The following FAAH2 variants were observed in gnomAD, a reference collection of about 807,000 sequenced individuals.
FAAH2 encodes fatty acid amide hydrolase 2.
In FAAH2, 60 loss-of-function variants were observed where a neutral mutation model predicts 36.9. That is an observed-to-expected ratio of 1.63 (90% CI 1.32 to 2.02). The LOEUF is 2.02. Ranked by LOEUF, FAAH2 falls within the 30% of genes most tolerant of loss-of-function variation. The probability of loss-of-function intolerance (pLI) is 0.00; values close to 1 mark genes in which losing one functional copy is unlikely to be tolerated. For synonymous variants in FAAH2, 214 were observed against 143.8 expected, an observed-to-expected ratio of 1.49 and a Z score of -3.49; for missense variants, 689 against 397.5, an observed-to-expected ratio of 1.73 and a Z score of -6.23.
intron 10 of FAAH2, among the ~76,000 whole-genome samples, chrX:57,481,510 T>C (rs1179969105): frequency 8.9e-6 from 1 of 112,087 alleles, no homozygotes; most frequent in African/African-American, 3.2e-5. Flanking sequence ...CTTCTGCAGG[T>C]CTGCTGCGGT....
chrX:57,334,266 T>TCACACACACACA (rs1491098492), intron 4 of FAAH2, among the ~76,000 whole-genome samples: 1 of 8,139 alleles, frequency 1.2e-4, no homozygotes, highest in South Asian at 0.056. Context: ...GGAGATTCCG[T>TCACACACACACA]CTCACACACA....
At chrX:57,139,237 G>A in the FAAH2 span, among the ~76,000 whole-genome samples, 2 of 112,199 alleles carry the variant, frequency 1.8e-5, no homozygotes, top group African/African-American at 6.5e-5. Context: ...TGTATATGGT[G>A]AGAGATAGAT....
the FAAH2 span, among the ~76,000 whole-genome samples, chrX:57,205,545 A>G: frequency 8.9e-6 from 1 of 112,378 alleles, no homozygotes; most frequent in Non-Finnish European, 1.9e-5. Flanking sequence ...CAGAAATCAC[A>G]TTAACAGGCA....
At chrX:57,422,113 T>C (rs191158216) in intron 7 of FAAH2, among the ~76,000 whole-genome samples, 1 of 111,944 alleles carries the variant, frequency 8.9e-6, no homozygotes, top group East Asian at 2.8e-4. Context: ...AATAGCTCTC[T>C]ACCAGATACC....
chrX:57,130,737 C>T, the FAAH2 span, among the ~76,000 whole-genome samples: 1 of 110,918 alleles, frequency 9.0e-6, no homozygotes, highest in East Asian at 2.8e-4. Context: ...TTTGTGAGGC[C>T]CCTCTTTAAT....
chrX:57,466,492 G>A (rs1165036078), intron 10 of FAAH2, among the ~76,000 whole-genome samples: 1 of 106,625 alleles, frequency 9.4e-6, no homozygotes, highest in Non-Finnish European at 1.9e-5. Context: ...AAAAAACGAG[G>A]CATATAGAAA....
chrX:57,382,943 C>G (rs995408503), intron 7 of FAAH2, among the ~76,000 whole-genome samples: 1 of 111,464 alleles, frequency 9.0e-6, no homozygotes, highest in Admixed American at 9.6e-5. Flanking sequence ...TACTGCCAAA[C>G]CGAATCAAGC....
At chrX:57,483,972 A>G (rs187125950) in intron 10 of FAAH2, among the ~76,000 whole-genome samples, 2 of 108,640 alleles carry the variant, frequency 1.8e-5, no homozygotes, top group East Asian at 5.8e-4. Flanking sequence ...CACCCAGCTA[A>G]TTTTGTATTT....
chrX:57,326,710 C>T (rs1301355603), intron 3 of FAAH2, among the ~76,000 whole-genome samples: 2 of 82,364 alleles, frequency 2.4e-5, no homozygotes, highest in African/African-American at 9.8e-5. Flanking sequence ...TCCTCCATCC[C>T]TTTATTTTGA....
the FAAH2 span, among the ~76,000 whole-genome samples, chrX:57,235,740 G>A: frequency 4.5e-5 from 5 of 112,117 alleles, no homozygotes; most frequent in South Asian, 1.5e-3. Flanking sequence ...CGTTGTCTAT[G>A]CTTATGCAAT....
chrX:57,201,886 T>C, the FAAH2 span, among the ~76,000 whole-genome samples: 4 of 111,806 alleles, frequency 3.6e-5, no homozygotes, highest in Non-Finnish European at 5.6e-5. Context: ...TCTAGCTTAG[T>C]AATATTTTTT....
At position 57,333,580 on chromosome X, in the gene FAAH2, C is replaced by A. The variant is rs767083061; in HGVS notation, c.622+1773C>A. ...GAAGACAGATGGGAACTTCAAGAAT[C>A]AAAAGCAAATGCTAGAAATAAAAAA... On this transcript the variant is annotated intron_variant, in intron 4 of 10. Transcript: ENST00000374900. Among the ~76,000 whole-genome samples, 3 of 85,610 alleles carry A rather than the reference C, an allele frequency of 3.5e-5. No individual in the cohort carries two copies. In the East Asian group the frequency reaches 1.1e-3, roughly 33 times the overall value. The allele number at this position is 85,610 out of a possible 115,157, so 74.3% of individuals were successfully genotyped here.
chrX:57,198,994 G>T, the FAAH2 span, among the ~76,000 whole-genome samples: 6 of 111,117 alleles, frequency 5.4e-5, no homozygotes, highest in South Asian at 3.9e-4. Context: ...CTTTCAAAGG[G>T]TCTGGGAATT....
At chrX:57,170,053 C>T in the FAAH2 span, among the ~76,000 whole-genome samples, 1 of 111,585 alleles carries the variant, frequency 9.0e-6, no homozygotes, top group South Asian at 3.8e-4. Context: ...ACACTGCAGC[C>T]TCAAACTCCT....
At chrX:57,404,244 A>T (rs1206620395) in intron 7 of FAAH2, among the ~76,000 whole-genome samples, 1 of 112,322 alleles carries the variant, frequency 8.9e-6, no homozygotes, top group Non-Finnish European at 1.9e-5. Flanking sequence ...TATAGGTTTT[A>T]AATTTACCCT....
intron 7 of FAAH2, among the ~76,000 whole-genome samples, chrX:57,423,199 G>T (rs1281303177): frequency 8.9e-6 from 1 of 112,041 alleles, no homozygotes; most frequent in African/African-American, 3.2e-5. Flanking sequence ...AACTCATAGA[G>T]AACTGCACGG....
chrX:57,422,443 C>T (rs1477639000), intron 7 of FAAH2, among the ~76,000 whole-genome samples: 2 of 112,133 alleles, frequency 1.8e-5, no homozygotes, highest in African/African-American at 6.5e-5. Context: ...GCACTCACTC[C>T]ATAGGTCAGG....
chrX:57,405,447 A>C (rs1453376963), intron 7 of FAAH2, among the ~76,000 whole-genome samples: 2 of 110,349 alleles, frequency 1.8e-5, no homozygotes, highest in Non-Finnish European at 3.8e-5. Flanking sequence ...ATGCAGGAAC[A>C]GTGGTGAGTC....
chrX:57,373,110 T>C (rs2054592164), intron 5 of FAAH2, among the ~76,000 whole-genome samples: 1 of 111,642 alleles, frequency 9.0e-6, no homozygotes, highest in African/African-American at 3.2e-5. Flanking sequence ...GTATATCATA[T>C]TTTCTTTACC....
Sources: gnomAD v4.1 joint callset for allele counts (sites outside exome capture counted in the v4.1 genomes callset) on GRCh38, gnomAD v4.1.1 for gene constraint, MANE v1.5 for transcripts, NCBI Gene and HGNC (gene_info 2026-07-23, HGNC 2026-07-21) for gene names.